The following AGPAT3 variants were observed in gnomAD, a reference collection of about 807,000 sequenced individuals.
The protein encoded by AGPAT3 is 1-acylglycerol-3-phosphate O-acyltransferase 3, also known as 1-acyl-sn-glycerol-3-phosphate acyltransferase gamma.
A neutral mutation model predicts 47.3 loss-of-function variants in AGPAT3; 5 were observed. The ratio of observed to expected loss-of-function variants is 0.11; its 90% CI spans 0.06 to 0.22. AGPAT3 has a LOEUF of 0.22. Among genes scored for constraint, AGPAT3 ranks in the 10% least tolerant of loss-of-function variants. The pLI is 1.00. For missense variants in AGPAT3, 315 were observed against 493.0 expected, an observed-to-expected ratio of 0.64 and a Z score of 3.42; for synonymous variants, 212 against 208.3, an observed-to-expected ratio of 1.02 and a Z score of -0.15.
rs1015270053 is a variant in AGPAT3, at chr21:43,932,207, C to T, written c.-48-27427C>T. ...CACGCAGCGCGGCCGATCACGAACA[C>T]GTCCCTCCAGTCTAACTGAAACTGC... On this transcript the variant is annotated intron_variant, in intron 2 of 9. Coordinates refer to ENST00000291572, the MANE Select transcript of AGPAT3 (RefSeq NM_020132.5). The surrounding 1 kb of genome is among the most constrained non-coding windows in gnomAD (Gnocchi z 5.2). Among the ~76,000 whole-genome samples the T allele has an allele frequency of 6.6e-6, 1 of 152,170 alleles. No homozygotes were observed. The highest frequency in any genetic ancestry group is 2.1e-4 in the South Asian group (1 of 4,832).
intron 2 of AGPAT3, among the ~76,000 whole-genome samples, chr21:43,911,790 C>T (rs956436126): frequency 6.6e-6 from 1 of 152,230 alleles, no homozygotes; most frequent in Admixed American, 6.5e-5. Context: ...CTAGCAGCTC[C>T]CCTGCAGTCC....
At chr21:43,874,119 G>A (rs945735043) in intron 1 of AGPAT3, among the ~76,000 whole-genome samples, 11 of 152,098 alleles carry the variant, frequency 7.2e-5, no homozygotes, top group African/African-American at 2.2e-4. Flanking sequence ...TCCGCCTCCC[G>A]GATTCAAGTG....
intron 2 of AGPAT3, among the ~76,000 whole-genome samples, chr21:43,923,564 A>G (rs2086959347): frequency 6.6e-6 from 1 of 152,186 alleles, no homozygotes; most frequent in African/African-American, 2.4e-5. Flanking sequence ...GTCAGATGCC[A>G]ATCCCAGGTT....
intron 2 of AGPAT3, among the ~76,000 whole-genome samples, chr21:43,953,081 T>C (rs2088277705): frequency 1.3e-5 from 2 of 152,104 alleles, no homozygotes; most frequent in Admixed American, 1.3e-4. Context: ...TGACCAGAAA[T>C]GTTGAACCCG....
intron 5 of AGPAT3, 141 bp downstream of exon 5, chr21:43,969,420 TC>T: frequency 2.7e-6 from 3 of 1,100,916 alleles, no homozygotes; most frequent in South Asian, 1.6e-5. Context: ...GGGCCATGAC[TC>T]CCCCATCTGA....
rs1269770435 is a variant in AGPAT3, at chr21:43,985,469, C to T, written c.*3077C>T. 1 of 319,572 alleles carries T rather than the reference C, an allele frequency of 3.1e-6. No individual in the cohort carries two copies. The allele number at this position is 319,572 out of a possible 1,614,324, so 19.8% of individuals were successfully genotyped here. On this transcript the variant is annotated 3_prime_UTR_variant, in exon 10 of 10. Transcript: ENST00000291572. ...TGCCTTGCCTGTCCCGACTCCCTTT[C>T]GCGCACCGTGGCATGAGAATCTTTC...
chr21:43,918,345 T>C (rs964964982), intron 2 of AGPAT3, among the ~76,000 whole-genome samples: 1 of 151,858 alleles, frequency 6.6e-6, no homozygotes, highest in Non-Finnish European at 1.5e-5. Context: ...TGGCTGAGGG[T>C]TCCCCTGGAG....
chr21:43,944,889 CG>C (rs888045883), intron 2 of AGPAT3, among the ~76,000 whole-genome samples: 1 of 152,162 alleles, frequency 6.6e-6, no homozygotes, highest in Non-Finnish European at 1.5e-5. Context: ...TGTCCAGGTG[CG>C]GGGGGGCCAC....
chr21:43,954,408 T>C lies in AGPAT3; in HGVS notation c.-48-5226T>C, dbSNP rs1182131218. 1 of 152,238 alleles carries C rather than the reference T, an allele frequency of 6.6e-6. No individual in the cohort carries two copies. The highest frequency in any genetic ancestry group is 1.9e-4 in the East Asian group (1 of 5,200). The allele number at this position is 152,238 out of a possible 1,614,324, so 9.4% of individuals were successfully genotyped here. On this transcript the variant is annotated intron_variant, in intron 2 of 9. Transcript: ENST00000291572. This position sits in a 1 kb window ranked among gnomAD's most constrained non-coding sequence, Gnocchi z 4.0. ...TGGCAATGACCCAGGGAAACCGTGT[T>C]GAGCGCTCTGGTGGGGGCAGGCGGG...
chr21:43,950,307 T>C (rs2088129367), intron 2 of AGPAT3, among the ~76,000 whole-genome samples: 1 of 152,218 alleles, frequency 6.6e-6, no homozygotes, highest in Non-Finnish European at 1.5e-5. Flanking sequence ...GACTGACAGT[T>C]TCACCTCCTC....
At chr21:43,869,622 C>T (rs1023052472) in intron 1 of AGPAT3, among the ~76,000 whole-genome samples, 7 of 152,130 alleles carry the variant, frequency 4.6e-5, no homozygotes, top group African/African-American at 9.7e-5. Context: ...TGAGAGGAGG[C>T]GGAGGGAGCA....
chr21:43,919,388 G>C (rs2086838405), intron 2 of AGPAT3, among the ~76,000 whole-genome samples: 1 of 152,172 alleles, frequency 6.6e-6, no homozygotes, highest in African/African-American at 2.4e-5. Flanking sequence ...TTATAAGTGA[G>C]AACAGTTTTT....
chr21:43,959,205 ATG>A (rs1569092007), intron 2 of AGPAT3, among the ~76,000 whole-genome samples: 1 of 66,986 alleles, frequency 1.5e-5, no homozygotes, highest in Non-Finnish European at 2.8e-5. Context: ...GTGGTGTGTG[ATG>A]TGTGGCATGT....
chr21:43,982,240 C>T lies in AGPAT3; in HGVS notation c.1043-64C>T, dbSNP rs2089880526. On this transcript the variant is annotated intron_variant, in intron 9 of 9. Transcript: ENST00000291572. The surrounding 1 kb of genome is among the most constrained non-coding windows in gnomAD (Gnocchi z 6.2). Reference sequence around the variant, plus strand: ...GCAGAGGAAGGAAGCCCCAGTAACACGTTTTACAGCAAAAAGGCAAAGTCA... The same window carrying T: ...GCAGAGGAAGGAAGCCCCAGTAACATGTTTTACAGCAAAAAGGCAAAGTCA... The T allele has an allele frequency of 2.4e-6, 3 of 1,265,170 alleles. No individual in the cohort carries two copies. Among genetic ancestry groups the T allele is most frequent in the South Asian group, 1.2e-5 (1 of 81,792 alleles). 78.4% of individuals were successfully genotyped at this position (1,265,170 alleles called of 1,614,324 possible).
intron 3 of AGPAT3, among the ~76,000 whole-genome samples, chr21:43,962,193 G>A (rs1293295069): frequency 1.3e-5 from 2 of 151,850 alleles, no homozygotes; most frequent in African/African-American, 2.4e-5. Context: ...TAGTAGAGAC[G>A]GGGTTTCACT....
Position 43,865,321 on chromosome 21 carries a change from G to A in AGPAT3, c.-136G>A, listed in dbSNP as rs2085478851. On this transcript the variant is annotated 5_prime_UTR_variant, in exon 1 of 10. Coordinates refer to ENST00000291572, the MANE Select transcript of AGPAT3 (RefSeq NM_020132.5). ...GAGGCGACGCCGGGGACGCCCGCGC[G>A]ACGAGCAGGTGGCGGCGGCTGCAGG... 6.8e-6 allele frequency: 1 copy of A among 146,888 alleles called. No individual in the cohort carries two copies. Among genetic ancestry groups the A allele is most frequent in the African/African-American group, 2.5e-5 (1 of 40,816 alleles). 9.1% of individuals were successfully genotyped at this position (146,888 alleles called of 1,614,324 possible).
chr21:43,902,955 G>A (rs1446107430), intron 1 of AGPAT3, among the ~76,000 whole-genome samples: 2 of 152,186 alleles, frequency 1.3e-5, no homozygotes, highest in Non-Finnish European at 2.9e-5. Context: ...AGCGGTGATT[G>A]TGCCACGGCG....
intron 1 of AGPAT3, among the ~76,000 whole-genome samples, chr21:43,874,951 T>C (rs998600344): frequency 6.6e-6 from 1 of 152,204 alleles, no homozygotes; most frequent in African/African-American, 2.4e-5. Flanking sequence ...CGTATTTGTA[T>C]ATAACCTGTG....
At chr21:43,902,786 C>G (rs1481812229) in intron 1 of AGPAT3, among the ~76,000 whole-genome samples, 3 of 152,202 alleles carry the variant, frequency 2.0e-5, no homozygotes, top group Non-Finnish European at 4.4e-5. Flanking sequence ...ATCACTTGAG[C>G]TCAGGAGTTC....
Sources: gnomAD v4.1 joint callset for allele counts (sites outside exome capture counted in the v4.1 genomes callset) on GRCh38, gnomAD v4.1.1 for gene constraint, Gnocchi (gnomAD v3.1) non-coding constraint, MANE v1.5 for transcripts, NCBI Gene and HGNC (gene_info 2026-07-23, HGNC 2026-07-21) for gene names.